ADGRL3: variants seen among roughly 807,000 people sequenced by gnomAD.
ADGRL3 encodes adhesion G protein-coupled receptor L3.
Under a neutral mutation model 153.5 loss-of-function variants are expected in ADGRL3, and 62 were observed. That is an observed-to-expected ratio of 0.40 (90% CI 0.33 to 0.50). ADGRL3 has a LOEUF of 0.50. ADGRL3 is among the 20% of genes least tolerant of loss of function. The pLI is 0.47. For synonymous variants in ADGRL3, 710 were observed against 672.5 expected, an observed-to-expected ratio of 1.06 and a Z score of -0.86; for missense variants, 1,641 against 1,859.4, an observed-to-expected ratio of 0.88 and a Z score of 2.16.
chr4:61,991,309 C>T (rs992912059), intron 19 of ADGRL3, among the ~76,000 whole-genome samples: 3 of 151,860 alleles, frequency 2.0e-5, no homozygotes, highest in Non-Finnish European at 2.9e-5. Context: ...TATAGGTAAA[C>T]TTGTGTCACG....
intron 9 of ADGRL3, among the ~76,000 whole-genome samples, chr4:61,815,403 T>C (rs921933161): frequency 9.2e-5 from 14 of 152,186 alleles, no homozygotes; most frequent in African/African-American, 3.4e-4. Context: ...CTGGTGTTAG[T>C]GTAGGTAATA....
chr4:61,804,994 C>T (rs918748272), intron 8 of ADGRL3, among the ~76,000 whole-genome samples: 27 of 147,870 alleles, frequency 1.8e-4, no homozygotes, highest in Non-Finnish European at 2.5e-4. Flanking sequence ...CTCATTCTGT[C>T]GCCCAGGCTG....
At chr4:61,998,701 G>A (rs962934559) in intron 21 of ADGRL3, among the ~76,000 whole-genome samples, 13 of 151,600 alleles carry the variant, frequency 8.6e-5, no homozygotes, top group South Asian at 2.1e-4. Flanking sequence ...CCAGCCTCCC[G>A]ATTAGCTGAG....
At chr4:62,052,252 T>G (rs28570244) in intron 25 of ADGRL3, among the ~76,000 whole-genome samples, 3,967 of 151,642 alleles carry the variant, frequency 0.026, 181 homozygotes, top group African/African-American at 0.092. Flanking sequence ...TTTCATGAAG[T>G]TGAAGATTAG....
At chr4:61,287,101 C>A (rs139426287) in intron 1 of ADGRL3, among the ~76,000 whole-genome samples, 1 of 151,666 alleles carries the variant, frequency 6.6e-6, no homozygotes, top group Admixed American at 6.6e-5. Flanking sequence ...GTAGAAGATT[C>A]CATATTCTCT....
intron 1 of ADGRL3, among the ~76,000 whole-genome samples, chr4:61,273,627 A>C (rs896126498): frequency 1.3e-5 from 2 of 151,978 alleles, no homozygotes; most frequent in African/African-American, 4.8e-5. Context: ...CTACAGTAAA[A>C]TTTTTTTTAC....
At chr4:61,753,226 G>T (rs11732258) in intron 8 of ADGRL3, among the ~76,000 whole-genome samples, 1 of 144,952 alleles carries the variant, frequency 6.9e-6, no homozygotes. Context: ...GCACATTTCT[G>T]TGAAAAAAAA....
chr4:61,585,523 A>C (rs2098942890), intron 4 of ADGRL3, among the ~76,000 whole-genome samples: 2 of 152,052 alleles, frequency 1.3e-5, no homozygotes, highest in South Asian at 4.1e-4. Flanking sequence ...AGAGAAGCAC[A>C]TATTTGTTTA....
At chr4:61,497,093 AT>A (rs1157637810) in intron 2 of ADGRL3, 27 bp from the exon 3 acceptor site, 2 of 549,388 alleles carry the variant, frequency 3.6e-6, no homozygotes, top group Non-Finnish European at 6.3e-6. Flanking sequence ...ATTTTATACA[AT>A]AACCCTTTTT....
intron 9 of ADGRL3, among the ~76,000 whole-genome samples, chr4:61,850,586 G>A (rs933139605): frequency 1.3e-5 from 2 of 152,048 alleles, no homozygotes; most frequent in Non-Finnish European, 2.9e-5. Flanking sequence ...GAGGAAAATG[G>A]TATTGTTTAT....
intron 8 of ADGRL3, among the ~76,000 whole-genome samples, chr4:61,746,607 A>G (rs969369977): frequency 2.6e-5 from 4 of 152,208 alleles, no homozygotes; most frequent in Non-Finnish European, 5.9e-5. Flanking sequence ...CTGAATGACT[A>G]CTGGGTACAT....
intron 6 of ADGRL3, among the ~76,000 whole-genome samples, chr4:61,689,534 C>G (rs1443988452): frequency 6.6e-6 from 1 of 152,122 alleles, no homozygotes; most frequent in Non-Finnish European, 1.5e-5. Context: ...ACTTCTCTGT[C>G]CATCATGCTA....
At chr4:61,751,925 A>AT (rs966280742) in intron 8 of ADGRL3, among the ~76,000 whole-genome samples, 56 of 152,314 alleles carry the variant, frequency 3.7e-4, no homozygotes, top group African/African-American at 1.3e-3. Context: ...TGAACAAGTA[A>AT]TGGATGGGCT....
intron 6 of ADGRL3, among the ~76,000 whole-genome samples, chr4:61,718,239 A>G (rs939180489): frequency 1.3e-5 from 2 of 152,134 alleles, no homozygotes; most frequent in African/African-American, 4.8e-5. Flanking sequence ...TACAATCCAC[A>G]TAGCCATTTT....
chr4:61,300,673 A>T (rs1031646262), intron 1 of ADGRL3, among the ~76,000 whole-genome samples: 2 of 152,278 alleles, frequency 1.3e-5, no homozygotes, highest in East Asian at 3.9e-4. Context: ...GCTGGTCTTC[A>T]CTATATGACT....
Position 62,073,387 on chromosome 4 carries a change from A to G in ADGRL3, c.*2479A>G, listed in dbSNP as rs1194224265. 1 of 152,092 alleles carries G rather than the reference A, an allele frequency of 6.6e-6. No individual in the cohort carries two copies. The highest frequency in any genetic ancestry group is 2.1e-4 in the South Asian group (1 of 4,830). 9.4% of individuals were successfully genotyped at this position (152,092 alleles called of 1,614,324 possible). A position where few individuals can be genotyped will look rare whatever the true frequency, so the allele number is the denominator to read the frequency against. ...TAATTAGGTTTTCTCACACCACACT[A>G]TGGCAATATTAGCACGTCCAAGGCT... On this transcript the variant is annotated 3_prime_UTR_variant, in exon 27 of 27. Coordinates refer to ENST00000683033, the MANE Select transcript of ADGRL3 (RefSeq NM_001387552.1).
chr4:62,017,639 A>G (rs1581905671), intron 21 of ADGRL3, among the ~76,000 whole-genome samples: 1 of 152,012 alleles, frequency 6.6e-6, no homozygotes, highest in African/African-American at 2.4e-5. Context: ...TGGTAAGGAT[A>G]TTTTTTTGTC....
At chr4:61,241,226 T>G (rs1754810253) in intron 1 of ADGRL3, among the ~76,000 whole-genome samples, 1 of 151,934 alleles carries the variant, frequency 6.6e-6, no homozygotes, top group Admixed American at 6.6e-5. Flanking sequence ...AGAAATAATT[T>G]AGAGATTAGA....
intron 1 of ADGRL3, among the ~76,000 whole-genome samples, chr4:61,208,905 C>G (rs1392491862): frequency 6.6e-6 from 1 of 152,072 alleles, no homozygotes; most frequent in African/African-American, 2.4e-5. Flanking sequence ...TAATTATATA[C>G]TGTAGTTCAG....
Sources: allele counts gnomAD v4.1 joint callset (sites outside exome capture counted in the v4.1 genomes callset), GRCh38; gene constraint gnomAD v4.1.1; transcripts MANE v1.5; gene names NCBI Gene and HGNC (gene_info 2026-07-23, HGNC 2026-07-21).